RBFOX1: variants seen among roughly 807,000 people sequenced by gnomAD.
RBFOX1 encodes RNA binding fox-1 homolog 1.
In RBFOX1, 8 loss-of-function variants were observed where a neutral mutation model predicts 57.7. The ratio of observed to expected loss-of-function variants is 0.14; its 90% CI spans 0.08 to 0.25. RBFOX1 has a LOEUF of 0.25. Ranked by LOEUF, RBFOX1 falls within the 10% of genes least tolerant of loss-of-function variation. RBFOX1 has a pLI of 1.00. For missense variants in RBFOX1, 611 were observed against 548.5 expected (o/e 1.11, Z -1.14); for synonymous variants, 326 against 222.4 (o/e 1.47, Z -4.15).
At chr16:6,734,449 C>T (rs975649484) in intron 3 of RBFOX1, among the ~76,000 whole-genome samples, 1 of 152,154 alleles carries the variant, frequency 6.6e-6, no homozygotes, top group African/African-American at 2.4e-5. Flanking sequence ...ATTTAATCCT[C>T]ATGATAAAGG....
At chr16:6,922,178 G>A (rs900113259) in intron 3 of RBFOX1, among the ~76,000 whole-genome samples, 9 of 152,278 alleles carry the variant, frequency 5.9e-5, no homozygotes, top group Non-Finnish European at 1.2e-4. Flanking sequence ...TGGATCCTGG[G>A]GGGTAGGTGC....
intron 4 of RBFOX1, among the ~76,000 whole-genome samples, chr16:5,897,315 G>A (rs1186692311): frequency 1.3e-5 from 2 of 151,970 alleles, no homozygotes; most frequent in South Asian, 4.2e-4. Context: ...GATTACAGGC[G>A]TGAGCCACCG....
chr16:6,475,192 C>G (rs188354556), intron 2 of RBFOX1, among the ~76,000 whole-genome samples: 2 of 152,232 alleles, frequency 1.3e-5, no homozygotes, highest in Admixed American at 6.5e-5. Context: ...ATTTCCTAAA[C>G]TTTCCACAAT....
chr16:7,684,743 C>G (rs1391644633), intron 14 of RBFOX1, among the ~76,000 whole-genome samples: 1 of 151,836 alleles, frequency 6.6e-6, no homozygotes, highest in Non-Finnish European at 1.5e-5. Context: ...CTTGTTTTTT[C>G]CACCATTTCT....
intron 2 of RBFOX1, among the ~76,000 whole-genome samples, chr16:5,574,425 CT>C (rs60015181): frequency 7.6e-5 from 11 of 144,734 alleles, no homozygotes; most frequent in African/African-American, 1.5e-4. Context: ...ACTTTTTTTT[CT>C]TTTTTTTTTT....
chr16:5,246,920 C>T (rs563709564), intron 1 of RBFOX1, among the ~76,000 whole-genome samples: 1 of 152,302 alleles, frequency 6.6e-6, no homozygotes, highest in East Asian at 1.9e-4. Context: ...ATCTGCCGGC[C>T]TCAGCCTCCC....
intron 4 of RBFOX1, among the ~76,000 whole-genome samples, chr16:7,475,969 T>A (rs1027566940): frequency 6.6e-6 from 1 of 152,104 alleles, no homozygotes; most frequent in Non-Finnish European, 1.5e-5. Context: ...TTTATTTTAT[T>A]TATTTTTTAT....
intron 4 of RBFOX1, among the ~76,000 whole-genome samples, chr16:7,304,934 GTGTGTGT>G (rs2096139420): frequency 2.7e-5 from 4 of 150,836 alleles, no homozygotes; most frequent in Non-Finnish European, 5.9e-5. Context: ...GTGTGTGTGT[GTGTGTGT>G]GTGTGTGTGT....
chr16:7,018,797 AAAG>A (rs907759862), intron 3 of RBFOX1, among the ~76,000 whole-genome samples: 86 of 151,202 alleles, frequency 5.7e-4, no homozygotes, highest in Middle Eastern at 3.4e-3. Flanking sequence ...TAAAAAAAAA[AAAG>A]AAGAAATACA....
At chr16:5,336,207 G>A (rs1424233726) in intron 1 of RBFOX1, among the ~76,000 whole-genome samples, 3 of 152,144 alleles carry the variant, frequency 2.0e-5, no homozygotes, top group African/African-American at 7.2e-5. Flanking sequence ...CAGGTCTGCT[G>A]CTCTCTGTCA....
chr16:7,694,668 T>A (rs1266420174), intron 14 of RBFOX1, among the ~76,000 whole-genome samples: 1 of 152,218 alleles, frequency 6.6e-6, no homozygotes, highest in Non-Finnish European at 1.5e-5. Context: ...CTTAACACTT[T>A]ACTAATGCCC....
At chr16:5,331,304 C>A (rs550595134) in intron 1 of RBFOX1, among the ~76,000 whole-genome samples, 8 of 152,336 alleles carry the variant, frequency 5.3e-5, no homozygotes, top group Admixed American at 3.9e-4. Context: ...TATCAGTCAA[C>A]AAATGCTACA....
intron 2 of RBFOX1, among the ~76,000 whole-genome samples, chr16:6,353,980 G>C (rs533531659): frequency 6.6e-6 from 1 of 152,200 alleles, no homozygotes; most frequent in South Asian, 2.1e-4. Context: ...AGTACTTTGG[G>C]ACGCCAAGGC....
chr16:5,690,426 A>G (rs1314109849), intron 3 of RBFOX1, among the ~76,000 whole-genome samples: 1 of 152,166 alleles, frequency 6.6e-6, no homozygotes, highest in Non-Finnish European at 1.5e-5. Flanking sequence ...CAGCTCTACA[A>G]ACAGGATAGC....
chr16:6,226,597 G>A (rs1348798547), intron 1 of RBFOX1, among the ~76,000 whole-genome samples: 3 of 152,104 alleles, frequency 2.0e-5, no homozygotes. Flanking sequence ...TAGTGATATA[G>A]TAAAGGTATG....
chr16:7,413,670 A>G (rs182626480), intron 4 of RBFOX1, among the ~76,000 whole-genome samples: 12 of 152,150 alleles, frequency 7.9e-5, no homozygotes, highest in Admixed American at 3.9e-4. Context: ...ATAAATGTCA[A>G]AAAAGTATTC....
chr16:6,349,539 C>T (rs960751627), intron 2 of RBFOX1, among the ~76,000 whole-genome samples: 10 of 152,130 alleles, frequency 6.6e-5, no homozygotes, highest in Admixed American at 6.5e-4. Context: ...ACTTCTTGAC[C>T]TATGTCATTA....
chr16:7,277,895 T>C (rs2095471003), intron 4 of RBFOX1, among the ~76,000 whole-genome samples: 2 of 149,706 alleles, frequency 1.3e-5, no homozygotes, highest in Admixed American at 6.7e-5. Flanking sequence ...CAGAAGAAGA[T>C]GACTAACTCA....
chr16:5,545,390 C>A (rs1264387967), intron 2 of RBFOX1, among the ~76,000 whole-genome samples: 1 of 152,000 alleles, frequency 6.6e-6, no homozygotes, highest in Non-Finnish European at 1.5e-5. Flanking sequence ...AATAGCAAAA[C>A]CTGACAGAGA....
Sources: gnomAD v4.1 joint callset for allele counts (sites outside exome capture counted in the v4.1 genomes callset) on GRCh38, gnomAD v4.1.1 for gene constraint, MANE v1.5 for transcripts, NCBI Gene and HGNC (gene_info 2026-07-23, HGNC 2026-07-21) for gene names.